GLIS3: variants seen among roughly 807,000 people sequenced by gnomAD.
GLIS3 encodes the protein GLIS family zinc finger 3.
In GLIS3, 53 loss-of-function variants were observed where a neutral mutation model predicts 78.6. That is an observed-to-expected ratio of 0.67 (90% CI 0.54 to 0.85). GLIS3 has a LOEUF of 0.85. GLIS3 is among the 40% of genes least tolerant of loss of function. The pLI is 0.00. For missense variants in GLIS3, 1,703 were observed against 1,231.1 expected (o/e 1.38, Z -5.74); for synonymous variants, 684 against 509.9 (o/e 1.34, Z -4.60).
At chr9:4,050,423 A>G (rs1408748055) in intron 4 of GLIS3, among the ~76,000 whole-genome samples, 1 of 152,072 alleles carries the variant, frequency 6.6e-6, no homozygotes, top group East Asian at 1.9e-4. Context: ...CAGGGCGGGG[A>G]ACATCACACA....
Position 3,995,164 on chromosome 9 carries a change from C to T in GLIS3, c.1711-57975G>A, listed in dbSNP as rs187881110. ...TACAGAGTGAGGCAGTTGGCAAAGACGTCTTGGCTCTTGGTGGGGAAGGGA... is the reference window on the plus strand; with the variant it reads ...TACAGAGTGAGGCAGTTGGCAAAGATGTCTTGGCTCTTGGTGGGGAAGGGA... On this transcript the variant is annotated intron_variant, in intron 4 of 10. Transcript: ENST00000381971. Among the ~76,000 whole-genome samples, 17 of 152,138 alleles carry T rather than the reference C, an allele frequency of 1.1e-4. No homozygotes were observed. In the East Asian group the frequency reaches 2.3e-3, roughly 21 times the overall value.
At chr9:4,237,557 T>C (rs1346688464) in intron 2 of GLIS3, among the ~76,000 whole-genome samples, 1 of 152,230 alleles carries the variant, frequency 6.6e-6, no homozygotes, top group East Asian at 1.9e-4. Context: ...TTCAAAATGA[T>C]AGTACTTTTT....
At chr9:3,975,982 C>G (rs926305273) in intron 4 of GLIS3, among the ~76,000 whole-genome samples, 1 of 152,124 alleles carries the variant, frequency 6.6e-6, no homozygotes, top group Non-Finnish European at 1.5e-5. Flanking sequence ...CTCATCAGAT[C>G]AGCAGCCAAT....
intron 10 of GLIS3, among the ~76,000 whole-genome samples, chr9:3,828,744 G>T (rs961528535): frequency 6.6e-6 from 1 of 152,174 alleles, no homozygotes; most frequent in Non-Finnish European, 1.5e-5. Context: ...GAAGAAATAG[G>T]GAAAGAACAT....
At chr9:4,025,609 G>A (rs1010758251) in intron 4 of GLIS3, among the ~76,000 whole-genome samples, 17 of 152,120 alleles carry the variant, frequency 1.1e-4, no homozygotes, top group South Asian at 4.2e-4. Context: ...GAGGGTCTGC[G>A]TCTCCTGACC....
At chr9:4,366,509 T>G in the GLIS3 span, among the ~76,000 whole-genome samples, 1 of 152,204 alleles carries the variant, frequency 6.6e-6, no homozygotes, top group Non-Finnish European at 1.5e-5. Context: ...AGACACTGCC[T>G]CTCTGTTTCT....
chr9:4,027,293 G>C (rs637742), intron 4 of GLIS3, among the ~76,000 whole-genome samples: 71,559 of 152,084 alleles, frequency 0.47, 17,674 homozygotes, highest in African/African-American at 0.59. Flanking sequence ...GGTCTTTAAG[G>C]CACAAGAAGA....
chr9:4,017,590 T>G (rs568817223), intron 4 of GLIS3, among the ~76,000 whole-genome samples: 1 of 152,208 alleles, frequency 6.6e-6, no homozygotes, highest in Admixed American at 6.5e-5. Context: ...GTAGAGATGA[T>G]CAGAGAGAGG....
chr9:3,832,237 A>G (rs73640771), intron 9 of GLIS3, among the ~76,000 whole-genome samples: 19,349 of 149,900 alleles, frequency 0.13, 1,575 homozygotes, highest in African/African-American at 0.23. Flanking sequence ...TAAATTACAT[A>G]GTATATATGT....
At chr9:4,036,885 G>A (rs1413113039) in intron 4 of GLIS3, among the ~76,000 whole-genome samples, 1 of 152,140 alleles carries the variant, frequency 6.6e-6, no homozygotes, top group Non-Finnish European at 1.5e-5. Context: ...ATCTCCAGGA[G>A]AAATAAAGAC....
the GLIS3 span, among the ~76,000 whole-genome samples, chr9:4,357,623 C>A: frequency 6.6e-6 from 1 of 151,660 alleles, no homozygotes; most frequent in African/African-American, 2.4e-5. Context: ...GTCTGTTTCT[C>A]TAGAAAACTC....
chr9:4,166,834 A>C (rs1463127415), intron 2 of GLIS3, among the ~76,000 whole-genome samples: 1 of 152,240 alleles, frequency 6.6e-6, no homozygotes, highest in Admixed American at 6.5e-5. Flanking sequence ...GCAGATGGTA[A>C]GATGTAGAGA....
chr9:4,445,852 T>A, the GLIS3 span, among the ~76,000 whole-genome samples: 3 of 152,196 alleles, frequency 2.0e-5, no homozygotes, highest in Non-Finnish European at 4.4e-5. Context: ...ATCAACAGCA[T>A]GGTTGAGACT....
intron 8 of GLIS3, among the ~76,000 whole-genome samples, chr9:3,873,867 A>C (rs1405943739): frequency 6.6e-6 from 1 of 152,188 alleles, no homozygotes; most frequent in Non-Finnish European, 1.5e-5. Context: ...TATTTGGTAA[A>C]GGTGATTTGA....
intron 4 of GLIS3, 95 bp from the exon 5 acceptor site, chr9:3,937,284 T>C (rs1825953394): frequency 1.6e-6 from 2 of 1,231,880 alleles, no homozygotes; most frequent in African/African-American, 1.5e-5. Context: ...GTTGGTACTT[T>C]GCCGAAAATG....
intron 4 of GLIS3, among the ~76,000 whole-genome samples, chr9:4,036,730 T>C (rs681410): frequency 0.38 from 57,587 of 152,020 alleles, 11,606 homozygotes; most frequent in African/African-American, 0.51. Flanking sequence ...ATTCCCACCA[T>C]AGTGATTACT....
intron 2 of GLIS3, among the ~76,000 whole-genome samples, chr9:4,202,613 A>G (rs1005483953): frequency 6.6e-6 from 1 of 152,266 alleles, no homozygotes; most frequent in Middle Eastern, 3.4e-3. Flanking sequence ...GAAAGTACAA[A>G]AACAGACACA....
At chr9:4,072,598 C>A (rs1827705753) in intron 4 of GLIS3, among the ~76,000 whole-genome samples, 2 of 152,070 alleles carry the variant, frequency 1.3e-5, no homozygotes, top group Non-Finnish European at 1.5e-5. Context: ...GTATAAAATG[C>A]ATTCACTGTA....
At chr9:4,318,443 G>A (rs899716530) in intron 2 of GLIS3, among the ~76,000 whole-genome samples, 10 of 152,066 alleles carry the variant, frequency 6.6e-5, no homozygotes, top group Admixed American at 2.6e-4. Flanking sequence ...AGTACAAAGC[G>A]AGCCGTAAGC....
Sources: allele counts gnomAD v4.1 joint callset (sites outside exome capture counted in the v4.1 genomes callset), GRCh38; gene constraint gnomAD v4.1.1; transcripts MANE v1.5; gene names NCBI Gene and HGNC (gene_info 2026-07-23, HGNC 2026-07-21).